Variants in BCR observed in about 807,000 individuals in gnomAD.
The protein encoded by BCR is BCR activator of RhoGEF and GTPase, also known as breakpoint cluster region protein.
BCR carries 58 observed loss-of-function variants against 138.6 expected under a neutral mutation model. That is an observed-to-expected ratio of 0.42 (90% CI 0.34 to 0.52). The LOEUF (loss-of-function observed/expected upper bound fraction) is 0.52, where lower values mean the gene tolerates loss of function less well. Among genes scored for constraint, BCR ranks in the 20% least tolerant of loss-of-function variants. BCR has a pLI of 0.06. For missense variants in BCR, 1,599 were observed against 1,727.2 expected, an observed-to-expected ratio of 0.93 and a Z score of 1.32; for synonymous variants, 786 against 730.1, an observed-to-expected ratio of 1.08 and a Z score of -1.23.
At chr22:23,225,968 G>T (rs543377773) in intron 1 of BCR, among the ~76,000 whole-genome samples, 3 of 152,220 alleles carry the variant, frequency 2.0e-5, no homozygotes, top group African/African-American at 4.8e-5. Flanking sequence ...AAAAGTAGGC[G>T]AGTGAAAAGC....
chr22:23,218,392 C>T (rs982448278), intron 1 of BCR, among the ~76,000 whole-genome samples: 4 of 152,222 alleles, frequency 2.6e-5, no homozygotes, highest in African/African-American at 9.6e-5. Context: ...CTTAATCAGA[C>T]AATATCCAGG....
Position 23,261,393 on chromosome 22 carries a change from G to C in BCR, c.1605G>C (p.Gln535His), listed in dbSNP as rs200769508. ...TGAAAGCCGCTGCCACCACCTCTCAGCCGGTGCTGACGAGTCAGCAGATCG... is the reference window on the plus strand; with the variant it reads ...TGAAAGCCGCTGCCACCACCTCTCACCCGGTGCTGACGAGTCAGCAGATCG... ...KPLKAAATTSQPVLTSQQIET... is the reference protein window; with the variant it reads ...KPLKAAATTSHPVLTSQQIET... Residue 535 changes from glutamine (Q) to histidine (H), a missense_variant, in exon 4 of 23, where the codon CAG (glutamine) becomes CAC (histidine). Physicochemically the swap from Gln to His is conservative, Grantham distance 24. Coordinates refer to ENST00000305877, the MANE Select transcript of BCR (RefSeq NM_004327.4). 1.2e-6 allele frequency: 2 copies of C among 1,613,506 alleles called. No individual in the cohort carries two copies. The highest frequency in any genetic ancestry group is 1.7e-6 in the Non-Finnish European group (2 of 1,179,922).
chr22:23,277,511 C>G (rs1052908405), intron 8 of BCR, among the ~76,000 whole-genome samples: 1 of 151,918 alleles, frequency 6.6e-6, no homozygotes, highest in African/African-American at 2.4e-5. Context: ...TACCCCATCC[C>G]CTGCTGCTGC....
chr22:23,303,931 CTTTTTTTTTT>C (rs131683), intron 16 of BCR, among the ~76,000 whole-genome samples: 2 of 106,176 alleles, frequency 1.9e-5, no homozygotes, highest in African/African-American at 3.9e-5. Flanking sequence ...TCCTTGTTGC[CTTTTTTTTTT>C]TTTTTTTTTT....
At chr22:23,242,531 C>G (rs915212693) in intron 1 of BCR, among the ~76,000 whole-genome samples, 2 of 152,212 alleles carry the variant, frequency 1.3e-5, no homozygotes, top group Admixed American at 6.5e-5. Context: ...AGCCTTTCTG[C>G]ATTTGTAAGC....
chr22:23,247,955 T>C (rs1403213844), intron 1 of BCR, among the ~76,000 whole-genome samples: 1 of 152,238 alleles, frequency 6.6e-6, no homozygotes, highest in Non-Finnish European at 1.5e-5. Context: ...TGCTTCTCCC[T>C]TCTTCTGTCA....
At chr22:23,243,648 A>ATTT (rs34022408) in intron 1 of BCR, among the ~76,000 whole-genome samples, 4 of 141,220 alleles carry the variant, frequency 2.8e-5, no homozygotes, top group Non-Finnish European at 4.6e-5. Context: ...TGTTCTAGCA[A>ATTT]TTTTTTTTTT....
intron 1 of BCR, among the ~76,000 whole-genome samples, chr22:23,216,301 G>C (rs373098483): frequency 2.4e-4 from 37 of 152,204 alleles, no homozygotes; most frequent in African/African-American, 8.4e-4. Flanking sequence ...GCATCACCAT[G>C]TTTATAACCT....
rs1309973198 is a variant in BCR at position 23,310,353 on chromosome 22, C to T, written c.3102C>T (p.Asn1034=). 1 of 1,450,342 alleles carries T rather than the reference C, an allele frequency of 6.9e-7. No homozygotes were observed. The highest frequency in any genetic ancestry group is 9.7e-7 in the Non-Finnish European group (1 of 1,035,276). The allele number at this position is 1,450,342 out of a possible 1,614,324, so 89.8% of individuals were successfully genotyped here. Residue 1034 remains asparagine, a synonymous_variant, in exon 18 of 23, where the codon AAC becomes AAT. Transcript: ENST00000305877. ...GIEVKLSVKF[N]SREFSLKRMP... ...AAGTAAAGCTCTCGGTCAAGTTCAA[C>T]AGCAGGGAGTTCAGCTTGAAGAGGA...
intron 1 of BCR, among the ~76,000 whole-genome samples, chr22:23,235,458 G>A (rs181080700): frequency 2.8e-5 from 4 of 144,890 alleles, no homozygotes; most frequent in Admixed American, 1.4e-4. Flanking sequence ...AGTAAGCAGC[G>A]TTTAAGTGCC....
At chr22:23,313,835 A>C in intron 20 of BCR, 133 bp from the exon 21 acceptor site, 5 of 820,626 alleles carry the variant, frequency 6.1e-6, no homozygotes, top group Non-Finnish European at 1.1e-5. Flanking sequence ...AATGGGGGCC[A>C]GAGCTGTGAG....
At chr22:23,217,673 G>A (rs2072772502) in intron 1 of BCR, among the ~76,000 whole-genome samples, 1 of 152,224 alleles carries the variant, frequency 6.6e-6, no homozygotes, top group Admixed American at 6.5e-5. Context: ...GGCTCCTTTT[G>A]AAGGTCATTG....
At chr22:23,227,858 G>A (rs1338766180) in intron 1 of BCR, among the ~76,000 whole-genome samples, 1 of 152,200 alleles carries the variant, frequency 6.6e-6, no homozygotes, top group African/African-American at 2.4e-5. Flanking sequence ...GGTTCTGTCT[G>A]CCTCAGGTTA....
chr22:23,221,867 A>G (rs564662016), intron 1 of BCR, among the ~76,000 whole-genome samples: 1 of 152,278 alleles, frequency 6.6e-6, no homozygotes, highest in South Asian at 2.1e-4. Flanking sequence ...CGAGGCAGGC[A>G]GAATCTGAGG....
At chr22:23,252,305 A>G (rs985676117) in intron 1 of BCR, among the ~76,000 whole-genome samples, 3 of 152,128 alleles carry the variant, frequency 2.0e-5, no homozygotes, top group Admixed American at 1.3e-4. Context: ...CACCCCAGCC[A>G]GCATGCTGGC....
chr22:23,180,857 C>T lies in BCR; in HGVS notation c.-104C>T, dbSNP rs1487038123. ...TCGCCGCCGCCGCCGCCGCGCGGGC[C>T]ATGGGGGCCGCCCGGCGCCCGGGGC... is the stretch of plus-strand genomic sequence containing the variant. On this transcript the variant is annotated 5_prime_UTR_variant, in exon 1 of 23. Coordinates refer to ENST00000305877, the MANE Select transcript of BCR (RefSeq NM_004327.4). 1 of 681,136 alleles carries T rather than the reference C, an allele frequency of 1.5e-6. No individual in the cohort carries two copies. Among genetic ancestry groups the T allele is most frequent in the Non-Finnish European group, 1.8e-6 (1 of 560,390 alleles). 42.2% of individuals were successfully genotyped at this position (681,136 alleles called of 1,614,324 possible).
intron 1 of BCR, among the ~76,000 whole-genome samples, chr22:23,200,442 G>A (rs1053150410): frequency 6.6e-6 from 1 of 151,978 alleles, no homozygotes; most frequent in African/African-American, 2.4e-5. Flanking sequence ...AGCATCTCAA[G>A]TAGCTGGGAC....
At chr22:23,239,629 A>T (rs946140868) in intron 1 of BCR, among the ~76,000 whole-genome samples, 4 of 152,188 alleles carry the variant, frequency 2.6e-5, no homozygotes, top group African/African-American at 9.7e-5. Flanking sequence ...ATAGTATGTT[A>T]TGGCTGCGTA....
chr22:23,239,821 CT>C (rs1403169301), intron 1 of BCR, among the ~76,000 whole-genome samples: 1 of 151,672 alleles, frequency 6.6e-6, no homozygotes, highest in Non-Finnish European at 1.5e-5. Context: ...CCCACCCCCA[CT>C]TTTTTTTAAG....
Sources: gnomAD v4.1 joint callset for allele counts (sites outside exome capture counted in the v4.1 genomes callset) on GRCh38, gnomAD v4.1.1 for gene constraint, MANE v1.5 for transcripts, NCBI Gene and HGNC (gene_info 2026-07-23, HGNC 2026-07-21) for gene names.